RXYLT1: variants seen among roughly 807,000 people sequenced by gnomAD.
The protein encoded by RXYLT1 is ribitol xylosyltransferase 1, also known as ribitol-5-phosphate xylosyltransferase 1.
Under a neutral mutation model 43.5 loss-of-function variants are expected in RXYLT1, and 41 were observed. The ratio of observed to expected loss-of-function variants is 0.94; its 90% CI spans 0.73 to 1.22. The LOEUF (loss-of-function observed/expected upper bound fraction) is 1.22, where lower values mean the gene tolerates loss of function less well. Ranked by LOEUF, RXYLT1 falls within the 50% of genes most tolerant of loss-of-function variation. The pLI is 0.00. For missense variants in RXYLT1, 514 were observed against 532.0 expected (o/e 0.97, Z 0.33); for synonymous variants, 166 against 194.4 (o/e 0.85, Z 1.21).
chr12:63,788,435 TA>T (rs1405484996), intron 3 of RXYLT1, among the ~76,000 whole-genome samples: 1 of 152,258 alleles, frequency 6.6e-6, no homozygotes. Context: ...ATCTGTTGTC[TA>T]GTGTAGCCAC....
chr12:63,809,146 ATAAATGTGTT>A lies in RXYLT1; in HGVS notation c.*56_*65del. 1 of 1,255,808 alleles carries A rather than the reference ATAAATGTGTT, an allele frequency of 8.0e-7. No homozygotes were observed. Among genetic ancestry groups the A allele is most frequent in the Non-Finnish European group, 1.1e-6 (1 of 916,170 alleles). 77.8% of individuals were successfully genotyped at this position (1,255,808 alleles called of 1,614,324 possible). A position where few individuals can be genotyped will look rare whatever the true frequency, so the allele number is the denominator to read the frequency against. ...TAAAATCATTTTGACTACTGGGTGTATAAATGTGTTTGTGTGTGTATGTATTTATAGATGT... is the reference window on the plus strand; with the variant it reads ...TAAAATCATTTTGACTACTGGGTGTATGTGTGTGTATGTATTTATAGATGT... On this transcript the variant is annotated 3_prime_UTR_variant, in exon 6 of 6. Transcript: ENST00000261234.
At chr12:63,780,631 T>TA (rs1897659086) in intron 1 of RXYLT1, among the ~76,000 whole-genome samples, 1 of 152,226 alleles carries the variant, frequency 6.6e-6, no homozygotes, top group African/African-American at 2.4e-5. Context: ...CGATAGTATC[T>TA]AAGACTGGTG....
chr12:63,795,209 G>C (rs1380736481), intron 3 of RXYLT1, among the ~76,000 whole-genome samples: 1 of 151,960 alleles, frequency 6.6e-6, no homozygotes, highest in African/African-American at 2.4e-5. Context: ...GAGCCTGGGA[G>C]GTCAAGGCTG....
At chr12:63,802,497 C>T in intron 4 of RXYLT1, 92 bp downstream of exon 4, 2 of 1,286,728 alleles carry the variant, frequency 1.6e-6, no homozygotes, top group Middle Eastern at 2.2e-4. Flanking sequence ...AAATTTAGTT[C>T]TTCTGGGATT....
rs201341428 is a variant in RXYLT1 at position 63,780,985 on chromosome 12, C to T, written c.170-34C>T. 204 of 1,480,046 alleles carry T rather than the reference C, an allele frequency of 1.4e-4. No individual in the cohort carries two copies. The East Asian group carries it at 5.0e-3, about 36-fold the overall frequency. The allele number at this position is 1,480,046 out of a possible 1,614,324, so 91.7% of individuals were successfully genotyped here. A position where few individuals can be genotyped will look rare whatever the true frequency, so the allele number is the denominator to read the frequency against. ...GAATTTACCTACAACTGCAATAATA[C>T]CTTACTGGTAAACACTTACTCTTTT... On this transcript the variant is annotated intron_variant, in intron 1 of 5. Coordinates refer to ENST00000261234, the MANE Select transcript of RXYLT1 (RefSeq NM_014254.3).
chr12:63,786,912 G>A (rs763069630), intron 3 of RXYLT1, among the ~76,000 whole-genome samples: 25 of 152,016 alleles, frequency 1.6e-4, no homozygotes, highest in Admixed American at 4.6e-4. Flanking sequence ...TCAGGAGTTC[G>A]AGACCAACCT....
At chr12:63,781,975 C>T (rs1179923532) in intron 2 of RXYLT1, among the ~76,000 whole-genome samples, 4 of 152,200 alleles carry the variant, frequency 2.6e-5, no homozygotes, top group Non-Finnish European at 4.4e-5. Context: ...CTACCAACCT[C>T]TAAATTTCAA....
At chr12:63,790,219 A>C (rs2136224827) in intron 3 of RXYLT1, 1 of 152,382 alleles carries the variant, frequency 6.6e-6, no homozygotes, top group Middle Eastern at 3.4e-3. Flanking sequence ...CTTTCCATAC[A>C]GGCAGGCTAC....
intron 3 of RXYLT1, among the ~76,000 whole-genome samples, chr12:63,795,148 T>G (rs1459221621): frequency 1.3e-5 from 2 of 151,776 alleles, no homozygotes; most frequent in Non-Finnish European, 2.9e-5. Flanking sequence ...AACACAAAAA[T>G]TAGCACCTGT....
At chr12:63,785,966 G>A (rs966836776) in intron 3 of RXYLT1, among the ~76,000 whole-genome samples, 1 of 151,974 alleles carries the variant, frequency 6.6e-6, no homozygotes, top group African/African-American at 2.4e-5. Context: ...TCTTTTCAAA[G>A]TTAAAAAGTA....
chr12:63,785,863 C>A (rs987094247), intron 3 of RXYLT1, among the ~76,000 whole-genome samples: 1 of 152,094 alleles, frequency 6.6e-6, no homozygotes, highest in African/African-American at 2.4e-5. Context: ...AAAGGAAAAG[C>A]TATAGTTAAC....
chr12:63,788,140 ATAT>A (rs1383775331), intron 3 of RXYLT1, among the ~76,000 whole-genome samples: 1 of 152,234 alleles, frequency 6.6e-6, no homozygotes, highest in Non-Finnish European at 1.5e-5. Flanking sequence ...TAAGCTTAAA[ATAT>A]TCAGTAAACC....
intron 5 of RXYLT1, chr12:63,806,930 A>C (rs188281069): frequency 1.3e-5 from 2 of 152,348 alleles, no homozygotes; most frequent in Non-Finnish European, 2.9e-5. Context: ...TCTTTCTGTC[A>C]TTTTGGTCTT....
At chr12:63,801,378 A>G (rs753288424) in intron 3 of RXYLT1, among the ~76,000 whole-genome samples, 113 of 152,196 alleles carry the variant, frequency 7.4e-4, no homozygotes, top group South Asian at 1.2e-3. Flanking sequence ...AGCTCACACC[A>G]TAAAAGGGTT....
At chr12:63,785,534 G>A (rs1051596098) in intron 3 of RXYLT1, 4 of 152,042 alleles carry the variant, frequency 2.6e-5, no homozygotes, top group Non-Finnish European at 5.9e-5. Context: ...AATTTGATGA[G>A]TTCTATCAGG....
rs1898180734 is a variant in RXYLT1 at position 63,802,318 on chromosome 12, G to T, written c.656G>T (p.Gly219Val). Residue 219 changes from glycine (G) to valine (V), a missense_variant, in exon 4 of 6, where the codon GGA (glycine) becomes GTA (valine). Transcript: ENST00000261234. Reference sequence around the variant, plus strand: ...ATAAACCCATTCCTCAAAAGAAATGGAGGCTTCGTGGAGCTGCTTTTCATA... The same window carrying T: ...ATAAACCCATTCCTCAAAAGAAATGTAGGCTTCGTGGAGCTGCTTTTCATA... ...EWINPFLKRNGGFVELLFIIY... is the reference protein window; with the variant it reads ...EWINPFLKRNVGFVELLFIIY... 1 of 1,613,084 alleles carries T rather than the reference G, an allele frequency of 6.2e-7. No homozygotes were observed. Among genetic ancestry groups the T allele is most frequent in the African/African-American group, 1.3e-5 (1 of 75,032 alleles).
intron 3 of RXYLT1, among the ~76,000 whole-genome samples, chr12:63,794,515 T>G (rs1412492460): frequency 6.6e-6 from 1 of 152,220 alleles, no homozygotes; most frequent in African/African-American, 2.4e-5. Context: ...AATTTCTCCT[T>G]TCCTCCTTCC....
intron 5 of RXYLT1, chr12:63,805,635 T>C: frequency 2.7e-6 from 1 of 376,386 alleles, no homozygotes; most frequent in Non-Finnish European, 4.7e-6. Flanking sequence ...TAACTGTCAT[T>C]TGCAAATTTC....
At chr12:63,786,545 A>T (rs1897805499) in intron 3 of RXYLT1, among the ~76,000 whole-genome samples, 1 of 152,052 alleles carries the variant, frequency 6.6e-6, no homozygotes, top group African/African-American at 2.4e-5. Flanking sequence ...AGTGAAAAAT[A>T]CTTTATTGCT....
Sources: gnomAD v4.1 joint callset for allele counts (sites outside exome capture counted in the v4.1 genomes callset) on GRCh38, gnomAD v4.1.1 for gene constraint, MANE v1.5 for transcripts, NCBI Gene and HGNC (gene_info 2026-07-23, HGNC 2026-07-21) for gene names.